The following TBXAS1 variants were observed in gnomAD, a reference collection of about 807,000 sequenced individuals.
TBXAS1 encodes the protein thromboxane-A synthase.
In TBXAS1, 48 loss-of-function variants were observed where a neutral mutation model predicts 60.7. The ratio of observed to expected loss-of-function variants is 0.79; its 90% CI spans 0.63 to 1.01. TBXAS1 has a LOEUF of 1.01. Among genes scored for constraint, TBXAS1 ranks in the 50% least tolerant of loss-of-function variants. The probability of loss-of-function intolerance (pLI) is 0.00; values close to 1 mark genes in which losing one functional copy is unlikely to be tolerated. For missense variants in TBXAS1, 685 were observed against 686.3 expected (o/e 1.00, Z 0.02); for synonymous variants, 287 against 269.7 (o/e 1.06, Z -0.63).
chr7:139,890,898 G>GT (rs140919636), intron 3 of TBXAS1, among the ~76,000 whole-genome samples: 3,185 of 150,054 alleles, frequency 0.021, 99 homozygotes, highest in African/African-American at 0.07. Context: ...TGTTTAATGT[G>GT]TTTTTTTTTC....
At chr7:139,863,073 G>T (rs1312817725) in intron 1 of TBXAS1, among the ~76,000 whole-genome samples, 2 of 152,086 alleles carry the variant, frequency 1.3e-5, no homozygotes, top group African/African-American at 4.8e-5. Context: ...TATAAGAATG[G>T]TATTTATTTC....
rs76993541 is a variant in TBXAS1 at position 139,941,768 on chromosome 7, T to C, written c.450+5461T>C. 2.6e-3 allele frequency among the ~76,000 whole-genome samples: 392 copies of C among 152,322 alleles called. 5 individuals are homozygous for C. Among genetic ancestry groups the C allele is most frequent in the Middle Eastern group, 0.024 (7 of 294 alleles). ...TAGATTCTTTACCAAAGACTATTAG[T>C]GAGTAGTAACCCTGGGATTGTGTAA... On this transcript the variant is annotated intron_variant, in intron 5 of 12. Coordinates refer to ENST00000448866, the MANE Select transcript of TBXAS1 (RefSeq NM_001061.7).
At chr7:139,856,918 C>T (rs1037153782) in intron 1 of TBXAS1, among the ~76,000 whole-genome samples, 1 of 152,132 alleles carries the variant, frequency 6.6e-6, no homozygotes. Flanking sequence ...GCGTCAACAC[C>T]AATGGAGGCT....
intron 5 of TBXAS1, among the ~76,000 whole-genome samples, chr7:139,946,789 T>C (rs1171126519): frequency 6.6e-6 from 1 of 152,204 alleles, no homozygotes; most frequent in Non-Finnish European, 1.5e-5. Flanking sequence ...TTATTTTCAT[T>C]TTTGCAGATG....
chr7:139,785,547 T>C (rs1313999108), intron 3 of TBXAS1, among the ~76,000 whole-genome samples: 2 of 152,028 alleles, frequency 1.3e-5, no homozygotes, highest in Non-Finnish European at 2.9e-5. Flanking sequence ...TGCCAGTACC[T>C]GATTGAGCCT....
At chr7:139,882,389 C>T (rs1197899866) in intron 3 of TBXAS1, among the ~76,000 whole-genome samples, 3 of 152,170 alleles carry the variant, frequency 2.0e-5, no homozygotes, top group Non-Finnish European at 4.4e-5. Context: ...GCAGCTGACA[C>T]CTGGAGATGG....
chr7:139,944,538 T>A (rs1808545987), intron 5 of TBXAS1, among the ~76,000 whole-genome samples: 1 of 152,212 alleles, frequency 6.6e-6, no homozygotes, highest in Non-Finnish European at 1.5e-5. Flanking sequence ...TTCAGCTGTT[T>A]AGCCCCCAAG....
At chr7:139,904,610 C>G (rs542981427) in intron 3 of TBXAS1, among the ~76,000 whole-genome samples, 7 of 152,280 alleles carry the variant, frequency 4.6e-5, no homozygotes, top group African/African-American at 1.7e-4. Flanking sequence ...TTTGTTTCAT[C>G]TATGATTTCT....
chr7:139,961,810 G>A (rs1040084887), intron 8 of TBXAS1, 109 bp from the exon 9 acceptor site: 13 of 1,351,912 alleles, frequency 9.6e-6, no homozygotes, highest in African/African-American at 1.4e-5. Flanking sequence ...TGTTGCTACT[G>A]AGCTCTTCAA....
At position 139,957,672 on chromosome 7, in the gene TBXAS1, T is replaced by C. The variant is rs1174211117; in HGVS notation, c.727T>C (p.Leu243=). 6.2e-7 allele frequency: 1 copy of C among 1,614,198 alleles called. No homozygotes were observed. The highest frequency in any genetic ancestry group is 8.5e-7 in the Non-Finnish European group (1 of 1,180,034). Residue 243 remains leucine, a synonymous_variant, in exon 8 of 13, where the codon TTG becomes CTG. Coordinates refer to ENST00000448866, the MANE Select transcript of TBXAS1 (RefSeq NM_001061.7). ...PSIMVPLARI[L]PNKNRDELNG... ...CATAATGGTCCCACTGGCCCGGATT[T>C]TGCCCAATAAGAACCGAGACGAACT...
At chr7:139,801,865 G>T (rs1193494410) in intron 4 of TBXAS1, among the ~76,000 whole-genome samples, 1 of 152,036 alleles carries the variant, frequency 6.6e-6, no homozygotes, top group African/African-American at 2.4e-5. Flanking sequence ...CCAGGTTCAA[G>T]CGATTCTTCT....
intron 5 of TBXAS1, among the ~76,000 whole-genome samples, chr7:139,952,363 A>G (rs904447996): frequency 6.6e-6 from 1 of 152,202 alleles, no homozygotes. Flanking sequence ...AAATGAAGAA[A>G]CAGACTAAGA....
At chr7:139,878,551 A>C (rs117124138) in intron 3 of TBXAS1, among the ~76,000 whole-genome samples, 2,326 of 152,338 alleles carry the variant, frequency 0.015, 33 homozygotes, top group African/African-American at 0.033. Flanking sequence ...ACTTCTTTTT[A>C]AATGTGTCTA....
In TBXAS1 at chr7:139,811,939, A is replaced by G. The variant is rs1798030933; in HGVS notation, c.-79-17373A>G. On this transcript the variant is annotated intron_variant, in intron 4 of 16. Transcript: ENST00000336425. ...ATTGCATTTCATAAATTTCAGGAGC[A>G]TGCCTGAAGCAGATGGTTGAGACAT... Among the ~76,000 whole-genome samples, 3 of 152,212 alleles carry G rather than the reference A, an allele frequency of 2.0e-5. No individual in the cohort carries two copies. The South Asian group carries it at 6.2e-4, about 31-fold the overall frequency.
chr7:139,912,964 T>C, intron 4 of TBXAS1: 1 of 620,086 alleles, frequency 1.6e-6, no homozygotes. Flanking sequence ...AGAGCTCTTT[T>C]TACTGCCAAA....
At chr7:139,873,678 G>GCCAGAGTGA (rs1253185158) in intron 2 of TBXAS1, among the ~76,000 whole-genome samples, 1 of 152,144 alleles carries the variant, frequency 6.6e-6, no homozygotes, top group Non-Finnish European at 1.5e-5. Context: ...CTTGGGATTT[G>GCCAGAGTGA]CCAGAGTGAC....
chr7:139,973,743 T>C (rs958549128), intron 9 of TBXAS1, among the ~76,000 whole-genome samples: 7 of 152,138 alleles, frequency 4.6e-5, no homozygotes, highest in African/African-American at 1.7e-4. Flanking sequence ...AAAATTTAAA[T>C]ATTTAGATTG....
At chr7:139,905,005 C>CTCTTTCTCTCTTTCTCTCTTTCTTTCTT (rs1554487120) in intron 3 of TBXAS1, among the ~76,000 whole-genome samples, 1 of 90,420 alleles carries the variant, frequency 1.1e-5, no homozygotes. Flanking sequence ...CTCTCTTTCT[C>CTCTTTCTCTCTTTCTCTCTTTCTTTCTT]TCTTTCTTTC....
intron 4 of TBXAS1, among the ~76,000 whole-genome samples, chr7:139,923,024 T>G (rs1483904000): frequency 1.3e-5 from 2 of 152,232 alleles, no homozygotes; most frequent in Non-Finnish European, 2.9e-5. Context: ...TTATCATTGA[T>G]CTTGAAAGAT....
Sources: allele counts gnomAD v4.1 joint callset (sites outside exome capture counted in the v4.1 genomes callset), GRCh38; gene constraint gnomAD v4.1.1; transcripts MANE v1.5; gene names NCBI Gene and HGNC (gene_info 2026-07-23, HGNC 2026-07-21).